Variants in FNDC3B observed in about 807,000 individuals in gnomAD.
FNDC3B encodes the protein fibronectin type III domain containing 3B.
In FNDC3B, 12 loss-of-function variants were observed where a neutral mutation model predicts 151.5. The ratio of observed to expected loss-of-function variants is 0.08; its 90% CI spans 0.05 to 0.13. FNDC3B has a LOEUF of 0.13. Ranked by LOEUF, FNDC3B falls within the 10% of genes least tolerant of loss-of-function variation. FNDC3B has a pLI of 1.00. For synonymous variants in FNDC3B, 528 were observed against 549.0 expected (o/e 0.96, Z 0.54); for missense variants, 1,214 against 1,505.3 (o/e 0.81, Z 3.20).
At position 172,294,177 on chromosome 3, in the gene FNDC3B, A is replaced by G. The variant is rs1343302626; in HGVS notation, c.850-1186A>G. Among the ~76,000 whole-genome samples, 3 of 152,204 alleles carry G rather than the reference A, an allele frequency of 2.0e-5. No individual in the cohort carries two copies. In the East Asian group the frequency reaches 5.8e-4, roughly 29 times the overall value. ...CTCTAAAACCAAGTATTGAGTGCAA[A>G]TAGTTTATGTGGGGATGTGATCCAG... On this transcript the variant is annotated intron_variant, in intron 7 of 25. Coordinates refer to ENST00000415807, the MANE Select transcript of FNDC3B (RefSeq NM_022763.4).
At chr3:172,277,851 T>C (rs1297598193) in intron 6 of FNDC3B, among the ~76,000 whole-genome samples, 2 of 152,204 alleles carry the variant, frequency 1.3e-5, no homozygotes, top group Non-Finnish European at 2.9e-5. Flanking sequence ...CTTTCTTTAC[T>C]CATTGATATT....
intron 2 of FNDC3B, among the ~76,000 whole-genome samples, chr3:172,113,315 A>C (rs1720071195): frequency 6.6e-6 from 1 of 152,212 alleles, no homozygotes; most frequent in Non-Finnish European, 1.5e-5. Context: ...GAAAAGTAGA[A>C]TTGGGAGCAA....
At chr3:172,199,336 C>T (rs1422228355) in intron 3 of FNDC3B, among the ~76,000 whole-genome samples, 1 of 151,678 alleles carries the variant, frequency 6.6e-6, no homozygotes, top group African/African-American at 2.4e-5. Context: ...CCCGCCACCT[C>T]GCCTGGCTAA....
intron 1 of FNDC3B, among the ~76,000 whole-genome samples, chr3:172,101,810 C>T (rs1719391954): frequency 1.3e-5 from 2 of 152,112 alleles, no homozygotes; most frequent in African/African-American, 4.8e-5. Context: ...TTTTTTCCCC[C>T]CTCTAATTTT....
At chr3:172,321,747 T>G (rs921643063) in intron 11 of FNDC3B, 3 of 195,988 alleles carry the variant, frequency 1.5e-5, no homozygotes, top group Non-Finnish European at 3.0e-5. Context: ...ATGTTTATTA[T>G]TTATTTATTT....
intron 6 of FNDC3B, among the ~76,000 whole-genome samples, chr3:172,261,792 C>T (rs1728661390): frequency 1.3e-5 from 2 of 152,194 alleles, no homozygotes; most frequent in South Asian, 4.1e-4. Context: ...CCATAGTTGA[C>T]TATAACATTT....
In FNDC3B at chr3:172,171,116, A is replaced by G. The variant is rs1021170280; in HGVS notation, c.187+37570A>G. Among the ~76,000 whole-genome samples the G allele has an allele frequency of 5.9e-5, 9 of 152,206 alleles. No individual in the cohort carries two copies. In the East Asian group the frequency reaches 1.7e-3, roughly 29 times the overall value. ...TGAGCTGAGAGGAGAAGCCTACAGA[A>G]ATGGAAAGTGGAGGTTCCTGTGTCC... On this transcript the variant is annotated intron_variant, in intron 3 of 25. Coordinates refer to ENST00000415807, the MANE Select transcript of FNDC3B (RefSeq NM_022763.4).
intron 6 of FNDC3B, among the ~76,000 whole-genome samples, chr3:172,272,341 C>T (rs1179413734): frequency 1.3e-5 from 2 of 152,038 alleles, no homozygotes; most frequent in African/African-American, 4.8e-5. Flanking sequence ...GCTATAAGGA[C>T]CTCCCGTTAT....
At chr3:172,179,252 G>GC (rs397719237) in intron 3 of FNDC3B, among the ~76,000 whole-genome samples, 3 of 151,350 alleles carry the variant, frequency 2.0e-5, no homozygotes, top group African/African-American at 7.3e-5. Flanking sequence ...AGTAGAGACG[G>GC]GTTTTCACCA....
At chr3:172,299,338 T>C (rs2108227892) in intron 9 of FNDC3B, among the ~76,000 whole-genome samples, 1 of 152,332 alleles carries the variant, frequency 6.6e-6, no homozygotes, top group South Asian at 2.1e-4. Flanking sequence ...CCTGTGATTT[T>C]CTGGAATCTC....
chr3:172,362,960 G>A (rs1734437421), intron 23 of FNDC3B, 115 bp downstream of exon 23: 3 of 797,874 alleles, frequency 3.8e-6, no homozygotes, highest in African/African-American at 3.5e-5. Context: ...CTTGTTCAGA[G>A]GCTTCCTTTG....
At chr3:172,127,817 C>G (rs1376021382) in intron 2 of FNDC3B, among the ~76,000 whole-genome samples, 2 of 152,114 alleles carry the variant, frequency 1.3e-5, no homozygotes, top group Non-Finnish European at 2.9e-5. Context: ...AGGCACCCAC[C>G]ATTACCCCCG....
intron 1 of FNDC3B, among the ~76,000 whole-genome samples, chr3:172,085,737 G>C (rs1007135568): frequency 9.9e-5 from 15 of 152,178 alleles, no homozygotes; most frequent in Admixed American, 9.2e-4. Context: ...CAGAAGAGAA[G>C]AGATAGCAAT....
chr3:172,329,286 C>T (rs979172120), intron 12 of FNDC3B: 6 of 491,890 alleles, frequency 1.2e-5, no homozygotes, highest in African/African-American at 2.0e-5. Flanking sequence ...AGCTGTATTG[C>T]GAAGGCCCCA....
intron 1 of FNDC3B, among the ~76,000 whole-genome samples, chr3:172,065,633 C>T (rs957561147): frequency 5.9e-5 from 9 of 152,170 alleles, no homozygotes; most frequent in Non-Finnish European, 1.0e-4. Flanking sequence ...GAGGTGCTCC[C>T]TTTGGCTGTG....
chr3:172,048,299 CCTTCTATAT>C (rs1244189438), intron 1 of FNDC3B, among the ~76,000 whole-genome samples: 1 of 151,968 alleles, frequency 6.6e-6, no homozygotes, highest in African/African-American at 2.4e-5. Context: ...CCATTCTATA[CCTTCTATAT>C]CTTTTATTGT....
intron 11 of FNDC3B, among the ~76,000 whole-genome samples, chr3:172,315,877 G>T (rs1731755857): frequency 6.6e-6 from 1 of 151,974 alleles, no homozygotes; most frequent in Non-Finnish European, 1.5e-5. Flanking sequence ...CGGACACCAT[G>T]CTTGAGACAC....
At chr3:172,349,517 A>G (rs1340688397) in intron 21 of FNDC3B, among the ~76,000 whole-genome samples, 4 of 152,238 alleles carry the variant, frequency 2.6e-5, no homozygotes, top group Admixed American at 2.0e-4. Context: ...GTGTAAATCA[A>G]GAAATGTTTT....
At chr3:172,171,461 A>G (rs1053728605) in intron 3 of FNDC3B, among the ~76,000 whole-genome samples, 2 of 152,064 alleles carry the variant, frequency 1.3e-5, no homozygotes, top group Admixed American at 1.3e-4. Flanking sequence ...TTTATTAAAG[A>G]ATGGGGTATC....
Sources: gnomAD v4.1 joint callset for allele counts (sites outside exome capture counted in the v4.1 genomes callset) on GRCh38, gnomAD v4.1.1 for gene constraint, MANE v1.5 for transcripts, NCBI Gene and HGNC (gene_info 2026-07-23, HGNC 2026-07-21) for gene names.